The following GALC variants were observed in gnomAD, a reference collection of about 807,000 sequenced individuals.
GALC encodes the protein galactosylceramidase.
GALC carries 77 observed loss-of-function variants against 91.8 expected under a neutral mutation model. The ratio of observed to expected loss-of-function variants is 0.84; its 90% CI spans 0.70 to 1.01. The LOEUF (loss-of-function observed/expected upper bound fraction) is 1.01, where lower values mean the gene tolerates loss of function less well. Ranked by LOEUF, GALC falls within the 50% of genes least tolerant of loss-of-function variation. The probability of loss-of-function intolerance (pLI) is 0.00; values close to 1 mark genes in which losing one functional copy is unlikely to be tolerated. For synonymous variants in GALC, 357 were observed against 306.7 expected (o/e 1.16, Z -1.71); for missense variants, 882 against 855.9 (o/e 1.03, Z -0.38).
rs757920477 is a variant in GALC, at chr14:87,982,220, A to T, written c.606T>A (p.Asn202Lys). ...YIGIWNERSY[N>K]ANYIKILRKM... ...TTGTACACACCTTAATATAATTGGC[A>T]TTATATGACCTCTCATTCCAAATCT... The change falls in exon 6 of 17, where the codon AAT becomes AAA. Residue 202 changes from asparagine to lysine, a missense_variant. Asn to Lys is a moderately conservative substitution (Grantham distance 94, BLOSUM62 0). Transcript: ENST00000261304. 6.3e-7 allele frequency: 1 copy of T among 1,578,824 alleles called. No individual in the cohort carries two copies. The highest frequency in any genetic ancestry group is 1.3e-5 in the African/African-American group (1 of 74,264).
intron 1 of GALC, chr14:87,989,637 T>C (rs962311686): frequency 3.3e-5 from 5 of 152,188 alleles, no homozygotes; most frequent in African/African-American, 1.2e-4. Context: ...CTCAAATCCC[T>C]CCTCTACTCT....
At chr14:87,936,763 G>A (rs1884584915) in intron 16 of GALC, among the ~76,000 whole-genome samples, 1 of 151,400 alleles carries the variant, frequency 6.6e-6, no homozygotes, top group Admixed American at 6.6e-5. Flanking sequence ...GATACTCAAA[G>A]AGGTGGAATA....
At chr14:87,937,989 T>C (rs549807081) in intron 16 of GALC, among the ~76,000 whole-genome samples, 11 of 151,944 alleles carry the variant, frequency 7.2e-5, no homozygotes, top group Non-Finnish European at 1.6e-4. Context: ...ACCAGCACCA[T>C]TTTTCAAGTA....
chr14:87,945,160 CTAAGA>C (rs1269294332), intron 14 of GALC, among the ~76,000 whole-genome samples: 1 of 151,884 alleles, frequency 6.6e-6, no homozygotes, highest in African/African-American at 2.4e-5. Flanking sequence ...CGGTGTAATT[CTAAGA>C]TTGGTCCACT....
chr14:87,936,036 A>C (rs1406294091), intron 16 of GALC, among the ~76,000 whole-genome samples: 1 of 152,018 alleles, frequency 6.6e-6, no homozygotes, highest in Non-Finnish European at 1.5e-5. Context: ...CACATTAAGC[A>C]CAAAACCTGT....
At position 87,976,447 on chromosome 14, in the gene GALC, C is replaced by G; in HGVS notation, c.663G>C (p.Val221=). Reference sequence around the variant, plus strand: ...AGAGATTATCACTTGCTATGATTTTCACTCGCTGGAGACCTTGATAATTCA... The same window carrying G: ...AGAGATTATCACTTGCTATGATTTTGACTCGCTGGAGACCTTGATAATTCA... ...KMLNYQGLQR[V]KIIASDNLWE... Residue 221 remains valine (V), a synonymous_variant, in exon 7 of 17, where the codon GTG becomes GTC. Coordinates refer to ENST00000261304, the MANE Select transcript of GALC (RefSeq NM_000153.4). 3 of 1,613,588 alleles carry G rather than the reference C, an allele frequency of 1.9e-6. No homozygotes were observed. The highest frequency in any genetic ancestry group is 2.5e-6 in the Non-Finnish European group (3 of 1,179,494).
chr14:87,949,002 C>A (rs1015493478), intron 12 of GALC, among the ~76,000 whole-genome samples: 6 of 151,940 alleles, frequency 3.9e-5, no homozygotes, highest in Admixed American at 3.3e-4. Context: ...GGATATAAAG[C>A]TAAATAAGGC....
chr14:87,947,938 A>C, intron 12 of GALC, 60 bp from the exon 13 acceptor site: 1 of 1,482,166 alleles, frequency 6.7e-7, no homozygotes, highest in Non-Finnish European at 9.4e-7. Context: ...TCATGTGGAC[A>C]GAATAGCTTT....
chr14:87,978,916 C>T (rs2140021844), intron 6 of GALC, among the ~76,000 whole-genome samples: 1 of 151,704 alleles, frequency 6.6e-6, no homozygotes, highest in Non-Finnish European at 1.5e-5. Flanking sequence ...CTATTAAAAA[C>T]AAATCCTTAT....
chr14:87,941,280 A>G (rs747869263), intron 15 of GALC, 115 bp downstream of exon 15: 8 of 720,974 alleles, frequency 1.1e-5, no homozygotes, highest in Non-Finnish European at 1.9e-5. Context: ...TCCCAATTAG[A>G]TGTCCAAACA....
At chr14:87,988,324 C>A (rs1376164604) in intron 2 of GALC, 117 bp from the exon 3 acceptor site, 1 of 1,236,620 alleles carries the variant, frequency 8.1e-7, no homozygotes, top group African/African-American at 1.5e-5. Flanking sequence ...CTTCAAATAG[C>A]AATTTATTCC....
intron 11 of GALC, 27 bp from the exon 12 acceptor site, chr14:87,949,958 G>T: frequency 8.7e-7 from 1 of 1,151,248 alleles, no homozygotes; most frequent in Non-Finnish European, 1.3e-6. Context: ...AAAAAGCATG[G>T]CTGAGTAATT....
intron 6 of GALC, among the ~76,000 whole-genome samples, chr14:87,977,333 G>GTA (rs1886542540): frequency 6.6e-6 from 1 of 152,068 alleles, no homozygotes; most frequent in Non-Finnish European, 1.5e-5. Flanking sequence ...AGCACAAACA[G>GTA]TACCTACTTT....
Position 87,993,086 on chromosome 14 carries a change from C to G in GALC, c.79G>C (p.Ala27Pro), listed in dbSNP as rs1441656888. ...MTAAAGSAGRAAVPLLLCALL... is the reference protein window; with the variant it reads ...MTAAAGSAGRPAVPLLLCALL... ...GCACACAGCAGCAAGGGCACCGCGGCGCGGCCCGCCGAACCCGCGGCCGCA... is the reference window on the plus strand; with the variant it reads ...GCACACAGCAGCAAGGGCACCGCGGGGCGGCCCGCCGAACCCGCGGCCGCA... Residue 27 changes from alanine to proline, a missense_variant, in exon 1 of 17, where the codon GCC (alanine) becomes CCC (proline). By Grantham distance (27) the Ala-to-Pro change is conservative. Coordinates refer to ENST00000261304, the MANE Select transcript of GALC (RefSeq NM_000153.4). The G allele has an allele frequency of 6.3e-7, 1 of 1,579,164 alleles. No individual in the cohort carries two copies. The highest frequency in any genetic ancestry group is 1.1e-5 in the South Asian group (1 of 87,058).
At chr14:87,971,921 G>A (rs1328871896) in intron 7 of GALC, among the ~76,000 whole-genome samples, 1 of 152,180 alleles carries the variant, frequency 6.6e-6, no homozygotes, top group East Asian at 1.9e-4. Context: ...CGCTTTGTTT[G>A]AGGGAGAACA....
intron 12 of GALC, among the ~76,000 whole-genome samples, chr14:87,948,567 T>C (rs1486048374): frequency 6.6e-6 from 1 of 152,048 alleles, no homozygotes; most frequent in East Asian, 1.9e-4. Flanking sequence ...TAAATGTAGA[T>C]CTCTGAAGAC....
At position 87,992,950 on chromosome 14, in the gene GALC, CCCCGCAG is replaced by C; in HGVS notation, c.195+13_195+19del. 6.6e-7 allele frequency: 1 copy of C among 1,508,632 alleles called. No individual in the cohort carries two copies. Among genetic ancestry groups the C allele is most frequent in the Non-Finnish European group, 8.8e-7 (1 of 1,136,834 alleles). The allele number at this position is 1,508,632 out of a possible 1,614,324, so 93.5% of individuals were successfully genotyped here. A position where few individuals can be genotyped will look rare whatever the true frequency, so the allele number is the denominator to read the frequency against. ...CGGGCTCTTGCCGCCCCCCGCGTAT[CCCCGCAG>C]CTTGCCGCTCACCCCGCCGCCGCTG... On this transcript the variant is annotated intron_variant, in intron 1 of 16. Transcript: ENST00000261304.
chr14:87,963,705 A>G (rs1439530503), intron 9 of GALC, among the ~76,000 whole-genome samples, 194 bp from the exon 10 acceptor site: 10 of 152,164 alleles, frequency 6.6e-5, no homozygotes, highest in African/African-American at 2.4e-4. Flanking sequence ...TACAATTGCA[A>G]GAAGATTCCT....
rs184250304 is a variant in GALC at position 87,952,739 on chromosome 14, T to C, written c.1162-1991A>G. 7.0e-5 allele frequency: 107 copies of C among 1,518,928 alleles called. No homozygotes were observed. In the East Asian group the frequency reaches 1.8e-3, roughly 25 times the overall value. The allele number at this position is 1,518,928 out of a possible 1,614,324, so 94.1% of individuals were successfully genotyped here. ...TTTCTTACTTAGCAAACTGTATGAA[T>C]AGACATGTTCATGTGAAAGATTACT... On this transcript the variant is annotated intron_variant, in intron 10 of 16. Transcript: ENST00000261304.
Sources: allele counts gnomAD v4.1 joint callset (sites outside exome capture counted in the v4.1 genomes callset), GRCh38; gene constraint gnomAD v4.1.1; transcripts MANE v1.5; gene names NCBI Gene and HGNC (gene_info 2026-07-23, HGNC 2026-07-21).